The following FBXL5 variants were observed in gnomAD, a reference collection of about 807,000 sequenced individuals.
The protein encoded by FBXL5 is F-box/LRR-repeat protein 5.
Under a neutral mutation model 78.3 loss-of-function variants are expected in FBXL5, and 26 were observed. That is an observed-to-expected ratio of 0.33 (90% CI 0.24 to 0.46). The LOEUF (loss-of-function observed/expected upper bound fraction) is 0.46. Among genes scored for constraint, FBXL5 ranks in the 20% least tolerant of loss-of-function variants. The pLI is 1.00. For synonymous variants in FBXL5, 295 were observed against 282.5 expected (o/e 1.04, Z -0.45); for missense variants, 710 against 829.2 (o/e 0.86, Z 1.77).
At chr4:15,621,408 C>G (rs1257898877) in intron 9 of FBXL5, among the ~76,000 whole-genome samples, 1 of 152,088 alleles carries the variant, frequency 6.6e-6, no homozygotes, top group African/African-American at 2.4e-5. Flanking sequence ...GACTTGTACA[C>G]TGAATTAAAC....
intron 1 of FBXL5, among the ~76,000 whole-genome samples, chr4:15,673,380 G>T (rs1037499254): frequency 7.9e-5 from 12 of 152,120 alleles, no homozygotes; most frequent in Non-Finnish European, 1.2e-4. Context: ...GGTCGAGGCT[G>T]CAGTGAGCCA....
intron 1 of FBXL5, among the ~76,000 whole-genome samples, chr4:15,679,435 G>C (rs946688922): frequency 6.6e-6 from 1 of 151,886 alleles, no homozygotes; most frequent in African/African-American, 2.4e-5. Context: ...ATTTACCCAA[G>C]TCTCTTGTTT....
rs776921810 is a variant in FBXL5, at chr4:15,640,898, A to G, written c.301-15T>C. 3.8e-6 allele frequency: 5 copies of G among 1,332,846 alleles called. No homozygotes were observed. Among genetic ancestry groups the G allele is most frequent in the Non-Finnish European group, 5.0e-6 (5 of 991,270 alleles). 82.6% of individuals were successfully genotyped at this position (1,332,846 alleles called of 1,614,324 possible). ...TCATATTCATTCTGGAAACCAAAAA[A>G]AAAATACATTTTTATAAAAGTTTCG... On this transcript the variant is annotated splice_polypyrimidine_tract_variant and intron_variant, in intron 2 of 10. Transcript: ENST00000341285.
chr4:15,625,674 A>T lies in FBXL5; in HGVS notation c.1428T>A (p.Ser476=). Residue 476 remains serine (S), a synonymous_variant, in exon 9 of 11, where the codon TCT becomes TCA. Transcript: ENST00000341285. ...CAGCATCTAACATCCACACATAAGGAGAAGTGAAATTCTCAGAAGAAACAG... is the reference window on the plus strand; with the variant it reads ...CAGCATCTAACATCCACACATAAGGTGAAGTGAAATTCTCAGAAGAAACAG... ...TKPVSSENFT[S]PYVWMLDAED... 1 of 1,614,220 alleles carries T rather than the reference A, an allele frequency of 6.2e-7. No individual in the cohort carries two copies. The highest frequency in any genetic ancestry group is 2.2e-5 in the East Asian group (1 of 44,894).
chr4:15,677,241 C>T (rs917244226), intron 1 of FBXL5, among the ~76,000 whole-genome samples: 9 of 152,060 alleles, frequency 5.9e-5, no homozygotes, highest in Admixed American at 2.0e-4. Flanking sequence ...TATATATGTT[C>T]GTCTTATTAC....
upstream of FBXL5, among the ~76,000 whole-genome samples, chr4:15,663,750 G>A (rs1282832838): frequency 6.6e-6 from 1 of 151,890 alleles, no homozygotes; most frequent in Admixed American, 6.6e-5. Flanking sequence ...ACAAACACTA[G>A]GTGACTATCA....
chr4:15,672,992 G>GA (rs1717829121), intron 1 of FBXL5, among the ~76,000 whole-genome samples: 1 of 152,060 alleles, frequency 6.6e-6, no homozygotes, highest in African/African-American at 2.4e-5. Context: ...TCCACTTCCA[G>GA]ATTTTGTCAC....
chr4:15,608,601 G>A lies in FBXL5; in HGVS notation c.2000-2802C>T, dbSNP rs891613988. Among the ~76,000 whole-genome samples, 5 of 151,080 alleles carry A rather than the reference G, an allele frequency of 3.3e-5. No individual in the cohort carries two copies. In the South Asian group the frequency reaches 8.4e-4, roughly 25 times the overall value. ...GTAGACACATTTTATATGAATATAGGCAAGAACTCTGAATACATTTTAAGT... is the reference window on the plus strand; with the variant it reads ...GTAGACACATTTTATATGAATATAGACAAGAACTCTGAATACATTTTAAGT... On this transcript the variant is annotated intron_variant, in intron 10 of 10. Transcript: ENST00000341285.
chr4:15,620,332 T>C (rs1217299642), intron 9 of FBXL5, among the ~76,000 whole-genome samples: 1 of 152,244 alleles, frequency 6.6e-6, no homozygotes, highest in African/African-American at 2.4e-5. Flanking sequence ...GTTAAAAGAC[T>C]TAATACTGTT....
intron 9 of FBXL5, among the ~76,000 whole-genome samples, chr4:15,616,874 T>C (rs545252113): frequency 6.6e-5 from 10 of 152,244 alleles, no homozygotes; most frequent in Non-Finnish European, 1.5e-4. Context: ...CATTTCCCTG[T>C]CACACTTTGG....
intron 2 of FBXL5, among the ~76,000 whole-genome samples, chr4:15,641,179 T>C (rs552699164): frequency 1.3e-5 from 2 of 152,326 alleles, no homozygotes; most frequent in African/African-American, 4.8e-5. Context: ...ATATAATTTC[T>C]ACATGTCAGT....
chr4:15,674,507 A>G (rs1717892213), intron 1 of FBXL5, among the ~76,000 whole-genome samples: 1 of 152,190 alleles, frequency 6.6e-6, no homozygotes, highest in South Asian at 2.1e-4. Context: ...TTACGTTTAT[A>G]TATTAGTGAA....
intron 1 of FBXL5, among the ~76,000 whole-genome samples, chr4:15,666,871 TA>T (rs1222526858): frequency 6.5e-4 from 95 of 145,718 alleles, no homozygotes; most frequent in East Asian, 9.9e-4. Flanking sequence ...GTCCCACCAT[TA>T]AAAAAAAAAA....
Position 15,628,789 on chromosome 4 carries a change from G to GCA in FBXL5, c.893-758_893-757dup, listed in dbSNP as rs778787569. 7.5e-4 allele frequency among the ~76,000 whole-genome samples: 16 copies of GCA among 21,234 alleles called. No homozygotes were observed. In the East Asian group the frequency reaches 0.012, roughly 16 times the overall value. 13.9% of individuals were successfully genotyped at this position (21,234 alleles called of 152,430 possible). A position where few individuals can be genotyped will look rare whatever the true frequency, so the allele number is the denominator to read the frequency against. On this transcript the variant is annotated intron_variant, in intron 6 of 10. Transcript: ENST00000341285. ...CAGACACAGACACACACACACACAC[G>GCA]CACACACACACACACGAAGATAAAA... is the stretch of plus-strand genomic sequence containing the variant.
At position 15,640,850 on chromosome 4, in the gene FBXL5, G is replaced by A. The variant is rs375103156; in HGVS notation, c.334C>T (p.Leu112=). Residue 112 remains leucine, a synonymous_variant, in exon 3 of 11, where the codon CTG becomes TTG. Transcript: ENST00000341285. ...GTAAAAGCCTCCAATCTCTCTTTCA[G>A]TTGTTTTGCATAATTTAACTGTTCA... is the stretch of plus-strand genomic sequence containing the variant. ...EYEQLNYAKQ[L]KERLEAFTRD... 62 of 1,555,836 alleles carry A rather than the reference G, an allele frequency of 4.0e-5. No individual in the cohort carries two copies. Among genetic ancestry groups the A allele is most frequent in the Non-Finnish European group, 4.6e-5 (53 of 1,153,654 alleles).
At chr4:15,646,558 T>C (rs1715368620) in intron 1 of FBXL5, among the ~76,000 whole-genome samples, 1 of 151,958 alleles carries the variant, frequency 6.6e-6, no homozygotes, top group African/African-American at 2.4e-5. Context: ...ATTATTATTA[T>C]TATTATACTT....
At chr4:15,677,787 T>C (rs1201977729) in intron 1 of FBXL5, among the ~76,000 whole-genome samples, 2 of 152,122 alleles carry the variant, frequency 1.3e-5, no homozygotes, top group South Asian at 2.1e-4. Flanking sequence ...GTTCTGTGAG[T>C]CATTCTAGCA....
chr4:15,644,870 G>A (rs141926554), intron 1 of FBXL5, among the ~76,000 whole-genome samples, 162 bp from the exon 2 acceptor site: 272 of 152,314 alleles, frequency 1.8e-3, no homozygotes, highest in Non-Finnish European at 2.8e-3. Context: ...AGTTATAATG[G>A]TATAATAAAA....
intron 9 of FBXL5, 51 bp downstream of exon 9, chr4:15,625,201 T>G (rs2148574939): frequency 1.3e-6 from 2 of 1,506,158 alleles, no homozygotes; most frequent in Non-Finnish European, 1.8e-6. Flanking sequence ...TATATTCCAT[T>G]TGGAAATGAG....
Sources: gnomAD v4.1 joint callset for allele counts (sites outside exome capture counted in the v4.1 genomes callset) on GRCh38, gnomAD v4.1.1 for gene constraint, MANE v1.5 for transcripts, NCBI Gene and HGNC (gene_info 2026-07-23, HGNC 2026-07-21) for gene names.